Variants in MRPS27 observed in about 807,000 individuals in gnomAD.
MRPS27 encodes the protein small ribosomal subunit protein mS27.
Under a neutral mutation model 48.9 loss-of-function variants are expected in MRPS27, and 43 were observed. That is an observed-to-expected ratio of 0.88 (90% confidence interval 0.69 to 1.13). The LOEUF is 1.13. Ranked by LOEUF, MRPS27 falls within the 50% of genes most tolerant of loss-of-function variation. The probability of loss-of-function intolerance (pLI) is 0.00; values close to 1 mark genes in which losing one functional copy is unlikely to be tolerated. For missense variants in MRPS27, 467 were observed against 476.3 expected (o/e 0.98, Z 0.18); for synonymous variants, 188 against 171.9 (o/e 1.09, Z -0.73).
rs1016341478 is a variant in MRPS27 at position 72,297,476 on chromosome 5, G to A, written c.222+156C>T. 2.0e-5 allele frequency among the ~76,000 whole-genome samples: 3 copies of A among 152,166 alleles called. No homozygotes were observed. The East Asian group carries it at 5.8e-4, about 29-fold the overall frequency. On this transcript the variant is annotated intron_variant, in intron 3 of 10. Coordinates refer to ENST00000261413, the MANE Select transcript of MRPS27 (RefSeq NM_015084.3). ...TCAGCCAAAGAAATTTGCTATTACAGTATAAAATATCTATTAGTAACTATA... is the reference window on the plus strand; with the variant it reads ...TCAGCCAAAGAAATTTGCTATTACAATATAAAATATCTATTAGTAACTATA...
chr5:72,284,337 T>C (rs933116088), intron 4 of MRPS27, among the ~76,000 whole-genome samples: 5 of 150,458 alleles, frequency 3.3e-5, no homozygotes, highest in Non-Finnish European at 7.4e-5. Flanking sequence ...GGTAGGACAA[T>C]TGCCTGAGCC....
intron 2 of MRPS27, among the ~76,000 whole-genome samples, chr5:72,302,991 G>C (rs889388339): frequency 7.2e-5 from 11 of 152,168 alleles, no homozygotes; most frequent in African/African-American, 2.7e-4. Context: ...CTTCTTTTGT[G>C]ATCCAAAATA....
intron 4 of MRPS27, among the ~76,000 whole-genome samples, chr5:72,239,412 T>C (rs1309981438): frequency 3.9e-5 from 6 of 152,232 alleles, no homozygotes; most frequent in East Asian, 1.9e-4. Flanking sequence ...TTTATGGATT[T>C]AGGGTCTTCT....
At chr5:72,259,109 T>A (rs1748893725) in intron 4 of MRPS27, among the ~76,000 whole-genome samples, 2 of 152,116 alleles carry the variant, frequency 1.3e-5, no homozygotes, top group African/African-American at 4.8e-5. Flanking sequence ...TCCAGAAAAC[T>A]CCATGGTCTG....
intron 4 of MRPS27, among the ~76,000 whole-genome samples, chr5:72,283,940 T>A (rs1037958625): frequency 2.0e-5 from 3 of 152,184 alleles, no homozygotes; most frequent in African/African-American, 7.2e-5. Context: ...TCTCTCTTTA[T>A]TTCCACTGTC....
At chr5:72,228,563 T>G in intron 7 of MRPS27, 195 bp from the exon 8 acceptor site, 3 of 429,974 alleles carry the variant, frequency 7.0e-6, no homozygotes, top group Admixed American at 4.1e-5. Flanking sequence ...AGGAAAGAAA[T>G]ACCCTATATG....
intron 4 of MRPS27, among the ~76,000 whole-genome samples, chr5:72,241,176 A>G (rs1327309113): frequency 6.6e-6 from 1 of 152,008 alleles, no homozygotes; most frequent in Non-Finnish European, 1.5e-5. Flanking sequence ...TTATTTCTGT[A>G]GAGACAGGGT....
At chr5:72,303,063 A>G (rs1413934375) in intron 2 of MRPS27, among the ~76,000 whole-genome samples, 1 of 152,200 alleles carries the variant, frequency 6.6e-6, no homozygotes, top group African/African-American at 2.4e-5. Flanking sequence ...AAAAATTGTG[A>G]ACTATTCTAT....
intron 4 of MRPS27, among the ~76,000 whole-genome samples, chr5:72,248,846 C>T (rs999864772): frequency 2.0e-5 from 3 of 152,158 alleles, no homozygotes; most frequent in Non-Finnish European, 2.9e-5. Flanking sequence ...AAAAAGGGCT[C>T]GGCCCATTGA....
rs1750606013 is a variant in MRPS27, at chr5:72,317,988, A to G, written c.73+2161T>C. Reference sequence around the variant, plus strand: ...AAGAAGAACAATTGTCTTGGGCCACACATACATAAACTACACTAACACTAA... The same window carrying G: ...AAGAAGAACAATTGTCTTGGGCCACGCATACATAAACTACACTAACACTAA... On this transcript the variant is annotated intron_variant, in intron 1 of 10. Transcript: ENST00000261413. Among the ~76,000 whole-genome samples, 3 of 152,360 alleles carry G rather than the reference A, an allele frequency of 2.0e-5. No individual in the cohort carries two copies. The South Asian group carries it at 6.2e-4, about 32-fold the overall frequency.
At chr5:72,255,533 T>C (rs746997507) in intron 4 of MRPS27, among the ~76,000 whole-genome samples, 3 of 152,232 alleles carry the variant, frequency 2.0e-5, no homozygotes, top group Non-Finnish European at 4.4e-5. Context: ...CTTTCCTCTT[T>C]AGTCCAAGCT....
At chr5:72,241,435 C>G in intron 4 of MRPS27, 1 of 538,462 alleles carries the variant, frequency 1.9e-6, no homozygotes, top group Non-Finnish European at 3.3e-6. Flanking sequence ...TTCTTGGCCC[C>G]CATCAGCATT....
At chr5:72,238,625 G>C (rs1205197559) in intron 4 of MRPS27, among the ~76,000 whole-genome samples, 2 of 152,130 alleles carry the variant, frequency 1.3e-5, no homozygotes, top group Non-Finnish European at 2.9e-5. Context: ...TGAGTCAAAG[G>C]AAAACAGAGG....
chr5:72,241,496 C>T, intron 4 of MRPS27: 2 of 675,498 alleles, frequency 3.0e-6, no homozygotes, highest in Non-Finnish European at 5.0e-6. Context: ...CAAGTCAAAA[C>T]ACTGGGCCAG....
At chr5:72,293,002 T>G (rs1040429511) in intron 4 of MRPS27, among the ~76,000 whole-genome samples, 6 of 152,204 alleles carry the variant, frequency 3.9e-5, no homozygotes, top group African/African-American at 1.4e-4. Context: ...TCATAATGAT[T>G]GAAGGCCTAA....
At chr5:72,278,347 G>A (rs180705981) in intron 4 of MRPS27, among the ~76,000 whole-genome samples, 1 of 151,538 alleles carries the variant, frequency 6.6e-6, no homozygotes, top group Non-Finnish European at 1.5e-5. Flanking sequence ...GGAGGCTGAG[G>A]CAGGAGAATG....
rs188517497 is a variant in MRPS27 at position 72,223,705 on chromosome 5, G to A, written c.983C>T (p.Pro328Leu). 1.6e-4 allele frequency: 257 copies of A among 1,613,890 alleles called. No individual in the cohort carries two copies. Among genetic ancestry groups the A allele is most frequent in the Non-Finnish European group, 2.0e-4 (233 of 1,179,932 alleles). Residue 328 changes from proline (P) to leucine (L), a missense_variant, in exon 10 of 11, where the codon CCT becomes CTT. Pro to Leu is a moderately conservative substitution (Grantham distance 98). Coordinates refer to ENST00000261413, the MANE Select transcript of MRPS27 (RefSeq NM_015084.3). ...CACCTTAAATCGTTCCAGGTATTGA[G>A]GAAGCTTGGACTGCTCTGTTTCCTC... The part of the protein sequence containing the change: ...DIEETEQSKL[P>L]QYLERFKALH...
At chr5:72,250,904 A>T (rs1232719522) in intron 4 of MRPS27, among the ~76,000 whole-genome samples, 1 of 152,254 alleles carries the variant, frequency 6.6e-6, no homozygotes, top group Non-Finnish European at 1.5e-5. Context: ...CTCCTATGTT[A>T]GAACCTCAGG....
At chr5:72,234,560 C>T (rs1001121998) in intron 5 of MRPS27, among the ~76,000 whole-genome samples, 6 of 152,034 alleles carry the variant, frequency 3.9e-5, no homozygotes, top group Admixed American at 6.6e-5. Context: ...GTATGAATAA[C>T]AATACAAAAA....
Sources: gnomAD v4.1 joint callset for allele counts (sites outside exome capture counted in the v4.1 genomes callset) on GRCh38, gnomAD v4.1.1 for gene constraint, MANE v1.5 for transcripts, NCBI Gene and HGNC (gene_info 2026-07-23, HGNC 2026-07-21) for gene names.